TRANK1: variants seen among roughly 807,000 people sequenced by gnomAD.
The protein encoded by TRANK1 is TPR and ankyrin repeat-containing protein 1.
TRANK1 carries 198 observed loss-of-function variants against 266.0 expected under a neutral mutation model. The observed-to-expected ratio is 0.74, with a 90% confidence interval of 0.66 to 0.84. The LOEUF (loss-of-function observed/expected upper bound fraction) is 0.84, where lower values mean the gene tolerates loss of function less well. Ranked by LOEUF, TRANK1 falls within the 40% of genes least tolerant of loss-of-function variation. TRANK1 has a pLI of 0.00. For synonymous variants in TRANK1, 1,396 were observed against 1,384.1 expected (o/e 1.01, Z -0.19); for missense variants, 3,326 against 3,634.6 (o/e 0.92, Z 2.18).
intron 1 of TRANK1, among the ~76,000 whole-genome samples, chr3:36,918,126 T>C (rs2080151863): frequency 6.6e-6 from 1 of 152,166 alleles, no homozygotes; most frequent in Non-Finnish European, 1.5e-5. Context: ...CTTCAGGGCA[T>C]CATGCTAAGT....
chr3:36,839,568 C>T (rs960365502), intron 18 of TRANK1, among the ~76,000 whole-genome samples: 4 of 152,198 alleles, frequency 2.6e-5, no homozygotes, highest in Non-Finnish European at 5.9e-5. Flanking sequence ...CACACTGTTC[C>T]TTCTAACTGA....
At position 36,833,788 on chromosome 3, in the gene TRANK1, G is replaced by C. The variant is rs201138668; in HGVS notation, c.5795C>G (p.Ser1932Ter). The C allele has an allele frequency of 1.2e-6, 2 of 1,613,866 alleles. No individual in the cohort carries two copies. Among genetic ancestry groups the C allele is most frequent in the Non-Finnish European group, 1.7e-6 (2 of 1,179,904 alleles). ...CAGCTGGTCTTCTATGTCTAGCTTT[G>C]AGAGGACAGCCATCATTTCCTTCAT... The part of the protein sequence containing the change: ...NKMKEMMAVL[S>*]KLDIEDQLVF... Residue 1932 changes from serine to a stop codon, truncating the protein, a stop_gained, in exon 22 of 24, where the codon TCA becomes TGA. Coordinates refer to ENST00000645898, the MANE Select transcript of TRANK1 (RefSeq NM_001329998.2). LOFTEE classifies it high-confidence loss of function.
chr3:36,849,280 AC>A (rs1189986053), intron 15 of TRANK1, among the ~76,000 whole-genome samples: 3 of 152,146 alleles, frequency 2.0e-5, no homozygotes, highest in Non-Finnish European at 1.5e-5. Context: ...AATGGCAGTT[AC>A]CCTTCTAAGT....
In TRANK1 at chr3:36,851,803, C is replaced by A. The variant is rs371919415; in HGVS notation, c.4803G>T (p.Gly1601=). Residue 1601 remains glycine, a synonymous_variant, in exon 15 of 24, where the codon GGG becomes GGT. Transcript: ENST00000645898. ...TAKEKIPEEL[G]LALVLTIYEA... ...CATAAATTGTTAGCACAAGTGCTAA[C>A]CCCAGCTCTTCTGGAATTTTCTCCT... 491 of 1,610,558 alleles carry A rather than the reference C, an allele frequency of 3.0e-4. No homozygotes were observed. The highest frequency in any genetic ancestry group is 4.1e-4 in the Non-Finnish European group (479 of 1,178,356).
At position 36,889,978 on chromosome 3, in the gene TRANK1, GACTT is replaced by G; in HGVS notation, c.776-22_776-19del. 1 of 1,535,380 alleles carries G rather than the reference GACTT, an allele frequency of 6.5e-7. No individual in the cohort carries two copies. Among genetic ancestry groups the G allele is most frequent in the Non-Finnish European group, 8.7e-7 (1 of 1,146,122 alleles). On this transcript the variant is annotated intron_variant, in intron 7 of 23. Coordinates refer to ENST00000645898, the MANE Select transcript of TRANK1 (RefSeq NM_001329998.2). ...GTTTTCTCCTGAAGGGAATTAAAATGACTTACTAATGTTTTCCACATACAGAAAG... is the reference window on the plus strand; with the variant it reads ...GTTTTCTCCTGAAGGGAATTAAAATGACTAATGTTTTCCACATACAGAAAG...
chr3:36,902,578 T>A (rs1340626873), intron 3 of TRANK1, among the ~76,000 whole-genome samples: 1 of 152,212 alleles, frequency 6.6e-6, no homozygotes, highest in Non-Finnish European at 1.5e-5. Flanking sequence ...AACAATCAAA[T>A]GATGTTTATT....
In TRANK1 at chr3:36,944,863, C is replaced by T; in HGVS notation, c.-54G>A. ...CCGCCGCCGCCTGGGGAAGCGCTTC[C>T]CTGTGGGCAGGGCGCGGCGGGCAGT... is the stretch of plus-strand genomic sequence containing the variant. On this transcript the variant is annotated 5_prime_UTR_variant, in exon 1 of 24. Transcript: ENST00000645898. 1.4e-6 allele frequency: 2 copies of T among 1,416,432 alleles called. No individual in the cohort carries two copies. The highest frequency in any genetic ancestry group is 3.1e-5 in the East Asian group (1 of 32,668). 87.7% of individuals were successfully genotyped at this position (1,416,432 alleles called of 1,614,324 possible).
rs79244041 is a variant in TRANK1, at chr3:36,837,711, C to G, written c.5517+661G>C. Among the ~76,000 whole-genome samples the G allele has an allele frequency of 7.6e-4, 116 of 152,318 alleles. 2 individuals carry two copies. In the East Asian group the frequency reaches 0.02, roughly 26 times the overall value. On this transcript the variant is annotated intron_variant, in intron 20 of 23. Coordinates refer to ENST00000645898, the MANE Select transcript of TRANK1 (RefSeq NM_001329998.2). Reference sequence around the variant, plus strand: ...AAAAAATTCTGCTTACTTTTATCTTCTGTGTTAATCTTGCTGCAGACAAAT... The same window carrying G: ...AAAAAATTCTGCTTACTTTTATCTTGTGTGTTAATCTTGCTGCAGACAAAT...
intron 1 of TRANK1, 119 bp downstream of exon 1, chr3:36,944,668 G>T (rs1013368269): frequency 2.2e-5 from 27 of 1,216,354 alleles, no homozygotes; most frequent in Middle Eastern, 2.7e-4. Flanking sequence ...ATGGCCGGGC[G>T]GGCCCGTTCG....
intron 1 of TRANK1, chr3:36,929,301 C>CTGGCTGGTCGGTG (rs966676020): frequency 6.6e-6 from 1 of 152,154 alleles, no homozygotes; most frequent in Non-Finnish European, 1.5e-5. Context: ...ACTGCCACAC[C>CTGGCTGGTCGGTG]TGGCTGGTCT....
At chr3:36,936,793 C>T (rs1247376652) in intron 1 of TRANK1, among the ~76,000 whole-genome samples, 5 of 152,098 alleles carry the variant, frequency 3.3e-5, no homozygotes, top group Non-Finnish European at 7.4e-5. Context: ...CAGGAAAATG[C>T]TCAAGAAATA....
In TRANK1 at chr3:36,847,224, G is replaced by A. The variant is rs1349154457; in HGVS notation, c.5010C>T (p.Leu1670=). Reference sequence around the variant, plus strand: ...CCTTGTACATTTCTGGATTCACCATGAGAGATCGACCCTGAGAAGAGCCTG... The same window carrying A: ...CCTTGTACATTTCTGGATTCACCATAAGAGATCGACCCTGAGAAGAGCCTG... ...DKPGSSQGRS[L]MVNPEMYKLL... The change falls in exon 16 of 24, where the codon CTC becomes CTT. Residue 1670 remains leucine, a synonymous_variant. Coordinates refer to ENST00000645898, the MANE Select transcript of TRANK1 (RefSeq NM_001329998.2). The A allele has an allele frequency of 6.2e-7, 1 of 1,613,238 alleles. No individual in the cohort carries two copies. The highest frequency in any genetic ancestry group is 8.5e-7 in the Non-Finnish European group (1 of 1,179,612).
At position 36,847,093 on chromosome 3, in the gene TRANK1, G is replaced by C. The variant is rs372118421; in HGVS notation, c.5034+107C>G. 6.2e-5 allele frequency: 84 copies of C among 1,356,334 alleles called. No homozygotes were observed. In the African/African-American group the frequency reaches 1.1e-3, roughly 17 times the overall value. 84.0% of individuals were successfully genotyped at this position (1,356,334 alleles called of 1,614,324 possible). A position where few individuals can be genotyped will look rare whatever the true frequency, so the allele number is the denominator to read the frequency against. ...CTTATCCTCAATTCCCCGTTGCTGA[G>C]GAAAACCAGCCAAGTGCAAGCTCCA... On this transcript the variant is annotated intron_variant, in intron 16 of 23. Coordinates refer to ENST00000645898, the MANE Select transcript of TRANK1 (RefSeq NM_001329998.2).
chr3:36,902,418 G>T (rs1480653899), intron 3 of TRANK1, among the ~76,000 whole-genome samples: 1 of 152,106 alleles, frequency 6.6e-6, no homozygotes, highest in African/African-American at 2.4e-5. Flanking sequence ...TGAATTTAAG[G>T]CCTCTGAATG....
Position 36,851,250 on chromosome 3 carries a change from C to T in TRANK1, c.4887+469G>A, listed in dbSNP as rs904095891. ...CTCATGCAAGGAAGCTGTTCTTGTC[C>T]CCCACATTACCTGATCCAGAGGGCA... On this transcript the variant is annotated intron_variant, in intron 15 of 23. Transcript: ENST00000645898. The T allele has an allele frequency of 5.1e-6, 5 of 986,190 alleles. No individual in the cohort carries two copies. In the African/African-American group the frequency reaches 8.7e-5, roughly 17 times the overall value. The allele number at this position is 986,190 out of a possible 1,614,324, so 61.1% of individuals were successfully genotyped here. A position where few individuals can be genotyped will look rare whatever the true frequency, so the allele number is the denominator to read the frequency against.
Position 36,857,017 on chromosome 3 carries a change from T to C in TRANK1, c.2705A>G (p.Glu902Gly). The stretch of plus-strand genomic sequence containing the variant: ...TCGAGGGGAGAAGTCAATGGCGAGC[T>C]CCCAGAGCATCCGGGCTCCTTTGTC... ...KLDKGARMLW[E>G]LAIDFSPRCS... Residue 902 changes from glutamate to glycine, a missense_variant, in exon 13 of 24, where the codon GAG (glutamate) becomes GGG (glycine). By Grantham distance (98) the Glu-to-Gly change is moderately conservative. Transcript: ENST00000645898. This position sits in a 1 kb window ranked among gnomAD's most constrained non-coding sequence, Gnocchi z 4.3. 1.2e-6 allele frequency: 2 copies of C among 1,613,904 alleles called. No individual in the cohort carries two copies. Among genetic ancestry groups the C allele is most frequent in the Non-Finnish European group, 1.7e-6 (2 of 1,179,848 alleles).
At position 36,857,966 on chromosome 3, in the gene TRANK1, C is replaced by T. The variant is rs773203699; in HGVS notation, c.1756G>A (p.Val586Ile). ...AGCGTGTTCCCATTGCTGTCCTGGA[C>T]ATTGGGGTTGAGGTAGTCGAATTCA... ...PTEFDYLNPN[V>I]QDSNGNTLMH... Residue 586 changes from valine to isoleucine, a missense_variant, in exon 13 of 24, where the codon GTC becomes ATC. By Grantham distance (29) the Val-to-Ile change is conservative. Transcript: ENST00000645898. The surrounding 1 kb of genome is among the most constrained non-coding windows in gnomAD (Gnocchi z 4.3). 19 of 1,600,764 alleles carry T rather than the reference C, an allele frequency of 1.2e-5. No homozygotes were observed. In the East Asian group the frequency reaches 4.0e-4, roughly 34 times the overall value.
chr3:36,909,968 C>T (rs1263243157), intron 1 of TRANK1, among the ~76,000 whole-genome samples: 3 of 152,184 alleles, frequency 2.0e-5, no homozygotes, highest in African/African-American at 4.8e-5. Flanking sequence ...CAAATATTGT[C>T]GGCCATTTGT....
chr3:36,829,504 G>T (rs1471814481), intron 23 of TRANK1, 60 bp downstream of exon 23: 11 of 1,558,376 alleles, frequency 7.1e-6, no homozygotes. Context: ...CCGGGAGCCA[G>T]CAGTAATAAG....
Sources: gnomAD v4.1 joint callset for allele counts (sites outside exome capture counted in the v4.1 genomes callset) on GRCh38, gnomAD v4.1.1 for gene constraint, Gnocchi (gnomAD v3.1) non-coding constraint, MANE v1.5 for transcripts, NCBI Gene and HGNC (gene_info 2026-07-23, HGNC 2026-07-21) for gene names.